SMIM20: variants seen among roughly 807,000 people sequenced by gnomAD.
SMIM20 encodes the protein small integral membrane protein 20.
SMIM20 carries 3 observed loss-of-function variants against 8.7 expected under a neutral mutation model. That is an observed-to-expected ratio of 0.34 (90% CI 0.16 to 0.89). The LOEUF (loss-of-function observed/expected upper bound fraction) is 0.89, where lower values mean the gene tolerates loss of function less well. SMIM20 is among the 40% of genes least tolerant of loss of function. The pLI is 0.49. For synonymous variants in SMIM20, 44 were observed against 33.6 expected (o/e 1.31, Z -1.07); for missense variants, 85 against 84.8 (o/e 1.00, Z -0.01).
intron 2 of SMIM20, 97 bp from the exon 3 acceptor site, chr4:25,929,057 C>G: frequency 7.1e-7 from 1 of 1,417,860 alleles, no homozygotes; most frequent in Non-Finnish European, 9.7e-7. Flanking sequence ...GTAAATTGCA[C>G]AGCTCAGTTC....
At chr4:25,928,633 AG>A (rs1213818410) in intron 2 of SMIM20, among the ~76,000 whole-genome samples, 1 of 152,240 alleles carries the variant, frequency 6.6e-6, no homozygotes, top group East Asian at 1.9e-4. Flanking sequence ...AATGTTAACA[AG>A]TGCGTGATTC....
chr4:25,914,806 A>C (rs1203126897), intron 1 of SMIM20, among the ~76,000 whole-genome samples: 1 of 152,208 alleles, frequency 6.6e-6, no homozygotes, highest in Non-Finnish European at 1.5e-5. Context: ...GCACAAGCTC[A>C]CCTTGAAGTA....
At chr4:25,917,028 A>AGCT (rs536547044) in intron 1 of SMIM20, among the ~76,000 whole-genome samples, 208 of 152,264 alleles carry the variant, frequency 1.4e-3, no homozygotes, top group African/African-American at 4.7e-3. Flanking sequence ...CCTTTGTGGC[A>AGCT]GCTGCTATAT....
chr4:25,924,171 G>A (rs999242320), intron 1 of SMIM20, among the ~76,000 whole-genome samples: 8 of 152,130 alleles, frequency 5.3e-5, no homozygotes, highest in African/African-American at 1.7e-4. Flanking sequence ...AGAGGCAGAT[G>A]GTGTATGTAT....
chr4:25,914,277 G>A lies in SMIM20; in HGVS notation c.-37G>A. ...GTAACCTGGTTTCCGAGAGTGCCGG[G>A]CGGTCGGCGGGTCAGGGCAGCCCGG... On this transcript the variant is annotated 5_prime_UTR_variant, in exon 1 of 3. Transcript: ENST00000506197. 1 of 1,531,820 alleles carries A rather than the reference G, an allele frequency of 6.5e-7. No homozygotes were observed. The highest frequency in any genetic ancestry group is 8.8e-7 in the Non-Finnish European group (1 of 1,134,954). 94.9% of individuals were successfully genotyped at this position (1,531,820 alleles called of 1,614,324 possible).
intron 1 of SMIM20, among the ~76,000 whole-genome samples, chr4:25,916,280 G>T (rs766381669): frequency 3.2e-4 from 49 of 151,056 alleles, no homozygotes; most frequent in Non-Finnish European, 5.3e-4. Context: ...GCCTGATCTC[G>T]GCGCACTGCA....
chr4:25,919,442 A>G (rs1719158745), intron 1 of SMIM20, among the ~76,000 whole-genome samples: 1 of 150,114 alleles, frequency 6.7e-6, no homozygotes, highest in East Asian at 2.0e-4. Context: ...GGATTCAAGC[A>G]GTTCTCCTGC....
chr4:25,915,867 G>GGGGGGGT (rs1560386063), intron 1 of SMIM20, among the ~76,000 whole-genome samples: 1 of 131,554 alleles, frequency 7.6e-6, no homozygotes. Flanking sequence ...GGCGGGGGGG[G>GGGGGGGT]GGTCGAGTGT....
At chr4:25,928,289 T>A (rs1711563694) in intron 1 of SMIM20, 24 bp from the exon 2 acceptor site, 1 of 1,548,856 alleles carries the variant, frequency 6.5e-7, no homozygotes, top group East Asian at 2.4e-5. Context: ...TTCTAAAGAA[T>A]GATTTTTCTC....
intron 1 of SMIM20, among the ~76,000 whole-genome samples, chr4:25,927,739 G>A (rs1174789385): frequency 6.6e-6 from 1 of 152,210 alleles, no homozygotes; most frequent in Non-Finnish European, 1.5e-5. Flanking sequence ...CAAAGAGACT[G>A]GCTTAGTTGC....
In SMIM20 at chr4:25,914,383, C is replaced by T; in HGVS notation, c.70C>T (p.Pro24Ser). Residue 24 changes from proline to serine, a missense_variant, in exon 1 of 3, where the codon CCC (proline) becomes TCC (serine). Physicochemically the swap from Pro to Ser is moderately conservative, Grantham distance 74. Coordinates refer to ENST00000506197, the MANE Select transcript of SMIM20 (RefSeq NM_001145432.3). ...FISLIGAAFY[P>S]IYFRPLMRLE... ...CTCCCTGATCGGCGCCGCCTTCTAT[C>T]CCATCTACTTCCGGCCCCTAATGAG... is the stretch of plus-strand genomic sequence containing the variant. 1 of 1,541,926 alleles carries T rather than the reference C, an allele frequency of 6.5e-7. No individual in the cohort carries two copies. Among genetic ancestry groups the T allele is most frequent in the Non-Finnish European group, 8.8e-7 (1 of 1,141,156 alleles).
At position 25,928,302 on chromosome 4, in the gene SMIM20, A is replaced by T; in HGVS notation, c.110-11A>T. Reference sequence around the variant, plus strand: ...CCTTCTAAAGAATGATTTTTCTCTTATGTTTCTCAGAGAAGGAACAAGCTA... The same window carrying T: ...CCTTCTAAAGAATGATTTTTCTCTTTTGTTTCTCAGAGAAGGAACAAGCTA... On this transcript the variant is annotated splice_polypyrimidine_tract_variant and intron_variant, in intron 1 of 2. Transcript: ENST00000506197. 1.9e-6 allele frequency: 3 copies of T among 1,548,482 alleles called. No homozygotes were observed. Among genetic ancestry groups the T allele is most frequent in the South Asian group, 1.2e-5 (1 of 83,174 alleles).
chr4:25,916,843 T>C (rs887392836), intron 1 of SMIM20, among the ~76,000 whole-genome samples: 2 of 152,238 alleles, frequency 1.3e-5, no homozygotes, highest in African/African-American at 4.8e-5. Context: ...AACTGACTGC[T>C]GTAACATTTG....
At chr4:25,927,208 C>T (rs1273849048) in intron 1 of SMIM20, among the ~76,000 whole-genome samples, 1 of 152,236 alleles carries the variant, frequency 6.6e-6, no homozygotes, top group Non-Finnish European at 1.5e-5. Context: ...CTCCATCCCT[C>T]TTAGACTTGG....
intron 2 of SMIM20, 151 bp from the exon 3 acceptor site, chr4:25,929,003 T>C: frequency 1.2e-6 from 1 of 866,702 alleles, no homozygotes; most frequent in Non-Finnish European, 1.7e-6. Flanking sequence ...GGCCATTTAA[T>C]GCCAAGGTTC....
intron 1 of SMIM20, among the ~76,000 whole-genome samples, chr4:25,922,226 G>A (rs1336523057): frequency 6.6e-6 from 1 of 152,114 alleles, no homozygotes; most frequent in Non-Finnish European, 1.5e-5. Context: ...AAGAGATGGA[G>A]GGCCAAGAAA....
intron 1 of SMIM20, among the ~76,000 whole-genome samples, chr4:25,927,990 C>T (rs1209407199): frequency 3.3e-5 from 5 of 152,214 alleles, no homozygotes; most frequent in African/African-American, 1.2e-4. Flanking sequence ...ATATCACGCC[C>T]ACCAGTTCTT....
chr4:25,923,076 T>C (rs1403985042), intron 1 of SMIM20, among the ~76,000 whole-genome samples: 1 of 152,236 alleles, frequency 6.6e-6, no homozygotes, highest in Non-Finnish European at 1.5e-5. Flanking sequence ...CTGTACATGA[T>C]ACCTCAAGTA....
At chr4:25,918,422 T>G (rs1429230727) in intron 1 of SMIM20, among the ~76,000 whole-genome samples, 2 of 152,232 alleles carry the variant, frequency 1.3e-5, no homozygotes, top group African/African-American at 2.4e-5. Flanking sequence ...GGATAATTTT[T>G]TCTAATTATC....
Sources: allele counts gnomAD v4.1 joint callset (sites outside exome capture counted in the v4.1 genomes callset), GRCh38; gene constraint gnomAD v4.1.1; transcripts MANE v1.5; gene names NCBI Gene and HGNC (gene_info 2026-07-23, HGNC 2026-07-21).